The following DMBX1 variants were observed in gnomAD, a reference collection of about 807,000 sequenced individuals.
The protein encoded by DMBX1 is diencephalon/mesencephalon homeobox 1.
A neutral mutation model predicts 30.4 loss-of-function variants in DMBX1; 7 were observed. The observed-to-expected ratio is 0.23, with a 90% CI of 0.13 to 0.43. The LOEUF (loss-of-function observed/expected upper bound fraction) is 0.43, where lower values mean the gene tolerates loss of function less well. Ranked by LOEUF, DMBX1 falls within the 20% of genes least tolerant of loss-of-function variation. The pLI is 1.00. For synonymous variants in DMBX1, 222 were observed against 214.2 expected, an observed-to-expected ratio of 1.04 and a Z score of -0.32; for missense variants, 460 against 508.5, an observed-to-expected ratio of 0.90 and a Z score of 0.92.
At position 46,493,782 on chromosome 1, in the gene DMBX1, G is replaced by C. The variant is rs1161686427; in HGVS notation, c.-13+2999G>C. ...TGAGTTGTACATCTGTCAGTGTGCAGAGCAGGAGCCGCAACCGCGCTTTCT... is the reference window on the plus strand; with the variant it reads ...TGAGTTGTACATCTGTCAGTGTGCACAGCAGGAGCCGCAACCGCGCTTTCT... On this transcript the variant is annotated intron_variant, in intron 2 of 5. Coordinates refer to ENST00000360032, the MANE Select transcript of DMBX1 (RefSeq NM_172225.2). This position sits in a 1 kb window ranked among gnomAD's most constrained non-coding sequence, Gnocchi z 4.1. 2.6e-5 allele frequency among the ~76,000 whole-genome samples: 4 copies of C among 152,242 alleles called. No homozygotes were observed. Among genetic ancestry groups the C allele is most frequent in the Non-Finnish European group, 5.9e-5 (4 of 68,044 alleles).
chr1:46,500,708 C>T (rs1042067217), intron 2 of DMBX1, among the ~76,000 whole-genome samples: 1 of 152,120 alleles, frequency 6.6e-6, no homozygotes, highest in Non-Finnish European at 1.5e-5. Flanking sequence ...AAAAATGGAT[C>T]GTATCATGCA....
At chr1:46,495,514 A>C (rs1474509743) in intron 2 of DMBX1, among the ~76,000 whole-genome samples, 3 of 152,192 alleles carry the variant, frequency 2.0e-5, no homozygotes, top group Admixed American at 6.5e-5. Flanking sequence ...TGAAGATTAA[A>C]TGAGATGCTG....
At chr1:46,500,276 C>T (rs1666098690) in intron 2 of DMBX1, among the ~76,000 whole-genome samples, 1 of 151,950 alleles carries the variant, frequency 6.6e-6, no homozygotes, top group African/African-American at 2.4e-5. Context: ...TCTCTGGCTT[C>T]AGTTAATAAA....
rs1295077693 is a variant in DMBX1 at position 46,512,521 on chromosome 1, G to A, written c.*27G>A. The A allele has an allele frequency of 1.3e-6, 2 of 1,586,726 alleles. No homozygotes were observed. Among genetic ancestry groups the A allele is most frequent in the Non-Finnish European group, 1.7e-6 (2 of 1,164,924 alleles). Reference sequence around the variant, plus strand: ...TGTCTGGCTTCCAACCCAGCCAGGGGTCTTAGGTGTCCCCTCCTAGCCCTG... The same window carrying A: ...TGTCTGGCTTCCAACCCAGCCAGGGATCTTAGGTGTCCCCTCCTAGCCCTG... On this transcript the variant is annotated 3_prime_UTR_variant, in exon 6 of 6. Transcript: ENST00000360032. This position sits in a 1 kb window ranked among gnomAD's most constrained non-coding sequence, Gnocchi z 4.8.
intron 5 of DMBX1, among the ~76,000 whole-genome samples, 170 bp from the exon 6 acceptor site, chr1:46,511,873 G>A (rs1371912031): frequency 6.6e-6 from 1 of 152,178 alleles, no homozygotes; most frequent in Non-Finnish European, 1.5e-5. Context: ...TTTCTCCTAG[G>A]ATTCTGAGCC....
rs1319486048 is a variant in DMBX1, at chr1:46,491,635, C to T, written c.-13+852C>T. Among the ~76,000 whole-genome samples, 1 of 152,206 alleles carries T rather than the reference C, an allele frequency of 6.6e-6. No individual in the cohort carries two copies. Among genetic ancestry groups the T allele is most frequent in the Non-Finnish European group, 1.5e-5 (1 of 68,040 alleles). ...GGCAGGGCGACCAGAGTCCTTTCCCCTCTCTAGTGCTAGGGATTCTGTGCG... is the reference window on the plus strand; with the variant it reads ...GGCAGGGCGACCAGAGTCCTTTCCCTTCTCTAGTGCTAGGGATTCTGTGCG... On this transcript the variant is annotated intron_variant, in intron 2 of 5. Coordinates refer to ENST00000360032, the MANE Select transcript of DMBX1 (RefSeq NM_172225.2). This position sits in a 1 kb window ranked among gnomAD's most constrained non-coding sequence, Gnocchi z 5.5.
intron 2 of DMBX1, among the ~76,000 whole-genome samples, chr1:46,501,380 A>G (rs903196198): frequency 1.3e-5 from 2 of 151,414 alleles, no homozygotes; most frequent in African/African-American, 4.9e-5. Context: ...TTCCGGGTTC[A>G]AGTGATTCTC....
In DMBX1 at chr1:46,510,694, A is replaced by G; in HGVS notation, c.333+40A>G. The G allele has an allele frequency of 6.3e-7, 1 of 1,592,910 alleles. No individual in the cohort carries two copies. The highest frequency in any genetic ancestry group is 2.2e-5 in the East Asian group (1 of 44,562). ...TCCTAACTAGGCCTTGCAGACAAAC[A>G]CCAGCCCATCAGTCTGCCCGCTTGT... On this transcript the variant is annotated intron_variant, in intron 4 of 5. Transcript: ENST00000360032. This position sits in a 1 kb window ranked among gnomAD's most constrained non-coding sequence, Gnocchi z 4.1.
In DMBX1 at chr1:46,514,668, C is replaced by G. The variant is rs993070969; in HGVS notation, c.*2174C>G. On this transcript the variant is annotated 3_prime_UTR_variant, in exon 6 of 6. Transcript: ENST00000360032. ...TGCTCCCCAACTCTTGGTGGCTCACCACTGAACACTCCAAACCCTGCTTAA... is the reference window on the plus strand; with the variant it reads ...TGCTCCCCAACTCTTGGTGGCTCACGACTGAACACTCCAAACCCTGCTTAA... Among the ~76,000 whole-genome samples, 1 of 152,148 alleles carries G rather than the reference C, an allele frequency of 6.6e-6. No individual in the cohort carries two copies. Among genetic ancestry groups the G allele is most frequent in the Non-Finnish European group, 1.5e-5 (1 of 68,030 alleles).
In DMBX1 at chr1:46,499,106, T is replaced by A. The variant is rs188148784; in HGVS notation, c.-12-7893T>A. Among the ~76,000 whole-genome samples, 853 of 152,042 alleles carry A rather than the reference T, an allele frequency of 5.6e-3. 2 individuals are homozygous for A. The highest frequency in any genetic ancestry group is 9.9e-3 in the Non-Finnish European group (672 of 67,930). ...ACCCAGGCTGCAGTGGCGCGATCTC[T>A]GCTCACTGCAACCTCCGCCTCCCCG... is the stretch of plus-strand genomic sequence containing the variant. On this transcript the variant is annotated intron_variant, in intron 2 of 5. Coordinates refer to ENST00000360032, the MANE Select transcript of DMBX1 (RefSeq NM_172225.2).
In DMBX1 at chr1:46,515,093, G is replaced by T. The variant is rs1011204921; in HGVS notation, c.*2599G>T. Among the ~76,000 whole-genome samples, 6 of 152,100 alleles carry T rather than the reference G, an allele frequency of 3.9e-5. No homozygotes were observed. The highest frequency in any genetic ancestry group is 1.4e-4 in the African/African-American group (6 of 41,400). Reference sequence around the variant, plus strand: ...GTCTCTTGCTGGGGTCTGGAATTTGGAAGGGGAATCCACCAGCCATGGGGG... The same window carrying T: ...GTCTCTTGCTGGGGTCTGGAATTTGTAAGGGGAATCCACCAGCCATGGGGG... On this transcript the variant is annotated 3_prime_UTR_variant, in exon 6 of 6. Coordinates refer to ENST00000360032, the MANE Select transcript of DMBX1 (RefSeq NM_172225.2).
In DMBX1 at chr1:46,515,554, G is replaced by A. The variant is rs1886115; in HGVS notation, c.*3060G>A. Among the ~76,000 whole-genome samples the A allele has an allele frequency of 0.66, 100,081 of 152,156 alleles. 35,564 individuals carry two copies. Among genetic ancestry groups the A allele is most frequent in the Non-Finnish European group, 0.8 (54,187 of 68,002 alleles). On this transcript the variant is annotated 3_prime_UTR_variant, in exon 6 of 6. Transcript: ENST00000360032. ...AGAGAAGGCAGGGAAGGTACATGTG[G>A]TCCCTGCCCTCGGAGGGCTCTCAAG...
rs1220599500 is a variant in DMBX1 at position 46,512,542 on chromosome 1, C to G, written c.*48C>G. On this transcript the variant is annotated 3_prime_UTR_variant, in exon 6 of 6. Coordinates refer to ENST00000360032, the MANE Select transcript of DMBX1 (RefSeq NM_172225.2). The surrounding 1 kb of genome is among the most constrained non-coding windows in gnomAD (Gnocchi z 4.8). The stretch of plus-strand genomic sequence containing the variant: ...AGGGGTCTTAGGTGTCCCCTCCTAG[C>G]CCTGTGGTTATCCCTAGGTGGCTCT... The G allele has an allele frequency of 1.9e-6, 3 of 1,556,554 alleles. 1 individual carries two copies. In the South Asian group the frequency reaches 3.6e-5, roughly 19 times the overall value.
intron 2 of DMBX1, among the ~76,000 whole-genome samples, chr1:46,503,265 TC>T (rs1666171683): frequency 1.3e-5 from 2 of 152,270 alleles, no homozygotes; most frequent in Non-Finnish European, 1.5e-5. Flanking sequence ...GACCACATGT[TC>T]TAAAACAATC....
chr1:46,498,706 A>G (rs1002583987), intron 2 of DMBX1, among the ~76,000 whole-genome samples: 1 of 152,216 alleles, frequency 6.6e-6, no homozygotes, highest in Non-Finnish European at 1.5e-5. Context: ...ACAGAGACAG[A>G]TGCATATACA....
intron 5 of DMBX1, among the ~76,000 whole-genome samples, chr1:46,511,740 T>A (rs1418379512): frequency 6.9e-6 from 1 of 144,456 alleles, no homozygotes. Context: ...AAGGTTGGAG[T>A]GAAGGAATGG....
intron 2 of DMBX1, among the ~76,000 whole-genome samples, chr1:46,505,206 T>C (rs1189646333): frequency 5.6e-5 from 8 of 141,636 alleles, no homozygotes; most frequent in African/African-American, 1.9e-4. Context: ...TCCTCAGGGA[T>C]CTAGAACTAG....
In DMBX1 at chr1:46,490,740, A is replaced by T. The variant is rs1193424537; in HGVS notation, c.-56A>T. 1.3e-5 allele frequency among the ~76,000 whole-genome samples: 2 copies of T among 152,270 alleles called. No individual in the cohort carries two copies. The highest frequency in any genetic ancestry group is 2.9e-5 in the Non-Finnish European group (2 of 68,048). ...GTTGAGGGTGGTTCGGCGCTCAGCCAGCCTCTGCCCTCGAAGACGCGGCCT... is the reference window on the plus strand; with the variant it reads ...GTTGAGGGTGGTTCGGCGCTCAGCCTGCCTCTGCCCTCGAAGACGCGGCCT... On this transcript the variant is annotated 5_prime_UTR_variant, in exon 2 of 6. Coordinates refer to ENST00000360032, the MANE Select transcript of DMBX1 (RefSeq NM_172225.2).
chr1:46,495,589 G>A (rs1298578549), intron 2 of DMBX1, among the ~76,000 whole-genome samples: 2 of 152,184 alleles, frequency 1.3e-5, no homozygotes, highest in Non-Finnish European at 2.9e-5. Flanking sequence ...CTGGCAAAAG[G>A]TAGGCAAATT....
Sources: gnomAD v4.1 joint callset for allele counts (sites outside exome capture counted in the v4.1 genomes callset) on GRCh38, gnomAD v4.1.1 for gene constraint, Gnocchi (gnomAD v3.1) non-coding constraint, MANE v1.5 for transcripts, NCBI Gene and HGNC (gene_info 2026-07-23, HGNC 2026-07-21) for gene names.